Variants in GLDC observed in about 807,000 individuals in gnomAD.
GLDC encodes the protein glycine dehydrogenase (decarboxylating), mitochondrial.
GLDC carries 104 observed loss-of-function variants against 121.3 expected under a neutral mutation model. The observed-to-expected ratio is 0.86, with a 90% confidence interval of 0.73 to 1.01. The LOEUF (loss-of-function observed/expected upper bound fraction) is 1.01, where lower values mean the gene tolerates loss of function less well. Among genes scored for constraint, GLDC ranks in the 50% least tolerant of loss-of-function variants. The probability of loss-of-function intolerance (pLI) is 0.00; values close to 1 mark genes in which losing one functional copy is unlikely to be tolerated. For missense variants in GLDC, 1,429 were observed against 1,306.6 expected, an observed-to-expected ratio of 1.09 and a Z score of -1.44; for synonymous variants, 546 against 480.6, an observed-to-expected ratio of 1.14 and a Z score of -1.78.
chr9:6,560,831 G>T (rs1817741196), intron 16 of GLDC, among the ~76,000 whole-genome samples: 1 of 152,144 alleles, frequency 6.6e-6, no homozygotes, highest in Non-Finnish European at 1.5e-5. Context: ...CTTGCAGATG[G>T]GATTAAGGTA....
intron 18 of GLDC, 67 bp downstream of exon 18, chr9:6,556,086 A>ATTT: frequency 1.0e-5 from 11 of 1,088,934 alleles, no homozygotes; most frequent in South Asian, 1.5e-5. Flanking sequence ...AGAAGTCAGA[A>ATTT]TTTTTTTTTT....
Position 6,594,915 on chromosome 9 carries a change from T to C in GLDC, c.1261+99A>G, listed in dbSNP as rs1818461965. On this transcript the variant is annotated intron_variant, in intron 9 of 24. Coordinates refer to ENST00000321612, the MANE Select transcript of GLDC (RefSeq NM_000170.3). Reference sequence around the variant, plus strand: ...TTTTTCCTCGTTTCTCACTTGACTTTTAATTTTGCATATAGTATTGGACAT... The same window carrying C: ...TTTTTCCTCGTTTCTCACTTGACTTCTAATTTTGCATATAGTATTGGACAT... 6.3e-6 allele frequency: 5 copies of C among 797,692 alleles called. No individual in the cohort carries two copies. The Admixed American group carries it at 8.5e-5, about 14-fold the overall frequency. 49.4% of individuals were successfully genotyped at this position (797,692 alleles called of 1,614,324 possible). A position where few individuals can be genotyped will look rare whatever the true frequency, so the allele number is the denominator to read the frequency against.
rs2129662984 is a variant in GLDC, at chr9:6,540,061, G to C, written c.2655C>G (p.Leu885=). ...NIEAVDVAKR[L]QDYGFHAPTM... is the part of the protein sequence containing the mutation. ...TCAAAAGCCACTTACCATAATCCTGGAGTCTCTTGGCCACATCCACAGCCT... is the reference window on the plus strand; with the variant it reads ...TCAAAAGCCACTTACCATAATCCTGCAGTCTCTTGGCCACATCCACAGCCT... The change falls in exon 22 of 25, where the codon CTC becomes CTG. Residue 885 remains leucine, a synonymous_variant. Coordinates refer to ENST00000321612, the MANE Select transcript of GLDC (RefSeq NM_000170.3). 1 of 1,605,376 alleles carries C rather than the reference G, an allele frequency of 6.2e-7. No individual in the cohort carries two copies. Among genetic ancestry groups the C allele is most frequent in the Non-Finnish European group, 8.5e-7 (1 of 1,172,284 alleles).
At position 6,604,591 on chromosome 9, in the gene GLDC, GT is replaced by G. The variant is rs386833518; in HGVS notation, c.1054del (p.Thr352GlnfsTer65). Reference protein sequence around the residue: ...RMMPGRMVGVTRDATGKEVYR... With the variant: ...RMMPGRMVGVXRDATGKEVYR... The stretch of plus-strand genomic sequence containing the variant: ...AGAGAAACATGAGCCCCTTTACCTT[GT>G]TACCCCCACCATTCTTCCAGGCATC... On this transcript the variant is annotated frameshift_variant, in exon 7 of 25. Coordinates refer to ENST00000321612, the MANE Select transcript of GLDC (RefSeq NM_000170.3). LOFTEE classifies it high-confidence loss of function. The G allele has an allele frequency of 9.3e-6, 15 of 1,611,158 alleles. No homozygotes were observed. Among genetic ancestry groups the G allele is most frequent in the Non-Finnish European group, 1.2e-5 (14 of 1,179,012 alleles).
In GLDC at chr9:6,589,263, C is replaced by T; in HGVS notation, c.1512G>A (p.Glu504=). The change falls in exon 12 of 25, where the codon GAG becomes GAA. Residue 504 remains glutamate (E), a synonymous_variant. Transcript: ENST00000321612. The stretch of plus-strand genomic sequence containing the variant: ...ACACAGACCCTGGAATACCTCTGCA[C>T]TCCTCTCCCATGCTTTCAGCAACCA... ...AELVAESMGE[E]CRGIPGSVFK... 1.2e-6 allele frequency: 2 copies of T among 1,609,734 alleles called. No homozygotes were observed.
intron 11 of GLDC, among the ~76,000 whole-genome samples, chr9:6,590,491 G>T (rs970864525): frequency 6.6e-6 from 1 of 152,142 alleles, no homozygotes; most frequent in Non-Finnish European, 1.5e-5. Flanking sequence ...GATGAGAAGT[G>T]ATTGTTAAAA....
intron 15 of GLDC, among the ~76,000 whole-genome samples, chr9:6,571,210 C>A (rs1817960283): frequency 6.6e-6 from 1 of 152,086 alleles, no homozygotes; most frequent in African/African-American, 2.4e-5. Flanking sequence ...ATCAGTTCAT[C>A]TGATGGCAAG....
intron 2 of GLDC, among the ~76,000 whole-genome samples, chr9:6,643,880 A>G (rs1484351682): frequency 6.6e-6 from 1 of 151,568 alleles, no homozygotes; most frequent in Non-Finnish European, 1.5e-5. Flanking sequence ...ATAAAAATAT[A>G]AAAATGAGCC....
intron 8 of GLDC, among the ~76,000 whole-genome samples, chr9:6,595,686 C>G (rs763798752): frequency 9.2e-5 from 14 of 152,170 alleles, no homozygotes; most frequent in Non-Finnish European, 1.6e-4. Context: ...CGCACTTCAG[C>G]TGGGAGCGGG....
intron 21 of GLDC, among the ~76,000 whole-genome samples, chr9:6,546,867 C>CA (rs1817403381): frequency 6.6e-6 from 1 of 151,928 alleles, no homozygotes; most frequent in African/African-American, 2.4e-5. Flanking sequence ...GAAGCTGAGG[C>CA]AGGAGAATCG....
At chr9:6,626,768 C>G (rs1158622131) in intron 2 of GLDC, among the ~76,000 whole-genome samples, 2 of 152,194 alleles carry the variant, frequency 1.3e-5, no homozygotes, top group Non-Finnish European at 2.9e-5. Context: ...CGAGAGAGCC[C>G]TGACTACAGC....
intron 2 of GLDC, chr9:6,639,673 A>AG: frequency 8.2e-6 from 2 of 242,910 alleles, no homozygotes; most frequent in Admixed American, 5.5e-5. Flanking sequence ...AAAAAAGTAT[A>AG]TATATATATA....
intron 19 of GLDC, 36 bp downstream of exon 19, chr9:6,554,633 C>G (rs1817581131): frequency 3.5e-6 from 5 of 1,438,548 alleles, no homozygotes; most frequent in Admixed American, 1.7e-5. Flanking sequence ...CATTCTGTCT[C>G]CAAAGCCATC....
At chr9:6,578,724 G>A (rs986729688) in intron 15 of GLDC, among the ~76,000 whole-genome samples, 1 of 151,930 alleles carries the variant, frequency 6.6e-6, no homozygotes, top group African/African-American at 2.4e-5. Context: ...GGAGAGATGA[G>A]GTCTTGCTAT....
rs1817579514 is a variant in GLDC at position 6,554,591 on chromosome 9, T to C, written c.2315+78A>G. ...TATCCTCAACACATGAAGACTTTGA[T>C]GGGATGAGTAGTCTATTTAGGGCCA... On this transcript the variant is annotated intron_variant, in intron 19 of 24. Coordinates refer to ENST00000321612, the MANE Select transcript of GLDC (RefSeq NM_000170.3). 3.8e-5 allele frequency: 37 copies of C among 986,568 alleles called. No homozygotes were observed. In the South Asian group the frequency reaches 4.6e-4, roughly 12 times the overall value. 61.1% of individuals were successfully genotyped at this position (986,568 alleles called of 1,614,324 possible). A position where few individuals can be genotyped will look rare whatever the true frequency, so the allele number is the denominator to read the frequency against.
intron 15 of GLDC, among the ~76,000 whole-genome samples, chr9:6,578,064 G>A (rs565051501): frequency 3.6e-4 from 55 of 151,758 alleles, no homozygotes; most frequent in African/African-American, 7.0e-4. Flanking sequence ...ACAGAAACAC[G>A]CCACTGTGCC....
chr9:6,586,734 C>T (rs1267474089), intron 15 of GLDC, among the ~76,000 whole-genome samples: 2 of 152,224 alleles, frequency 1.3e-5, no homozygotes, highest in African/African-American at 4.8e-5. Flanking sequence ...CGCCTCGTGA[C>T]TTGCTTTAAT....
intron 15 of GLDC, among the ~76,000 whole-genome samples, chr9:6,585,375 G>A (rs1379633884): frequency 1.3e-5 from 2 of 152,090 alleles, no homozygotes; most frequent in Non-Finnish European, 2.9e-5. Flanking sequence ...ATAGACTCAA[G>A]GTTCAGAATT....
intron 24 of GLDC, 80 bp from the exon 25 acceptor site, chr9:6,533,240 C>T: frequency 1.7e-6 from 2 of 1,158,980 alleles, no homozygotes; most frequent in Non-Finnish European, 2.6e-6. Flanking sequence ...CAATGCTAGT[C>T]CCACAACCTA....
Sources: allele counts gnomAD v4.1 joint callset (sites outside exome capture counted in the v4.1 genomes callset), GRCh38; gene constraint gnomAD v4.1.1; transcripts MANE v1.5; gene names NCBI Gene and HGNC (gene_info 2026-07-23, HGNC 2026-07-21).